TXNDC12: variants seen among roughly 807,000 people sequenced by gnomAD.
TXNDC12 encodes the protein thioredoxin domain-containing protein 12.
TXNDC12 carries 22 observed loss-of-function variants against 24.2 expected under a neutral mutation model. That is an observed-to-expected ratio of 0.91 (90% confidence interval 0.65 to 1.30). The LOEUF is 1.30. Ranked by LOEUF, TXNDC12 falls within the 50% of genes most tolerant of loss-of-function variation. TXNDC12 has a pLI of 0.00. For synonymous variants in TXNDC12, 58 were observed against 73.4 expected, an observed-to-expected ratio of 0.79 and a Z score of 1.07; for missense variants, 184 against 205.8, an observed-to-expected ratio of 0.89 and a Z score of 0.65.
intron 3 of TXNDC12, 56 bp downstream of exon 3, chr1:52,028,522 G>A (rs1278525868): frequency 7.2e-6 from 10 of 1,383,882 alleles, no homozygotes; most frequent in Non-Finnish European, 8.2e-6. Context: ...TTTGTTAAAT[G>A]TTAATATTTA....
At chr1:52,042,671 G>A (rs1686015488) in intron 1 of TXNDC12, among the ~76,000 whole-genome samples, 1 of 151,428 alleles carries the variant, frequency 6.6e-6, no homozygotes, top group South Asian at 2.1e-4. Context: ...TGCCCAGGCT[G>A]GAGTGCAATG....
At chr1:52,032,806 C>T in intron 2 of TXNDC12, 2 of 1,614,210 alleles carry the variant, frequency 1.2e-6, no homozygotes, top group Non-Finnish European at 1.7e-6. Context: ...ACGAAGGCGA[C>T]TCAGTTCTGC....
Position 52,020,330 on chromosome 1 carries a change from G to A in TXNDC12, c.*603C>T, listed in dbSNP as rs923714168. Reference sequence around the variant, plus strand: ...CAAGCACACAGCCAGTCCTGCACACGCATGCGTGCAAACAGGGAAGCTCAA... The same window carrying A: ...CAAGCACACAGCCAGTCCTGCACACACATGCGTGCAAACAGGGAAGCTCAA... On this transcript the variant is annotated 3_prime_UTR_variant, in exon 7 of 7. Coordinates refer to ENST00000371626, the MANE Select transcript of TXNDC12 (RefSeq NM_015913.4). The A allele has an allele frequency of 1.9e-5, 8 of 413,242 alleles. No individual in the cohort carries two copies. The highest frequency in any genetic ancestry group is 1.0e-4 in the South Asian group (4 of 39,756). The allele number at this position is 413,242 out of a possible 1,614,324, so 25.6% of individuals were successfully genotyped here. A position where few individuals can be genotyped will look rare whatever the true frequency, so the allele number is the denominator to read the frequency against.
At chr1:52,021,075 A>G in intron 6 of TXNDC12, 63 bp from the exon 7 acceptor site, 1 of 1,164,248 alleles carries the variant, frequency 8.6e-7, no homozygotes, top group Non-Finnish European at 1.3e-6. Flanking sequence ...TTGACAACCA[A>G]TGTACACTTT....
Position 52,038,187 on chromosome 1 carries a change from T to C in TXNDC12, c.158+3350A>G, listed in dbSNP as rs141121748. On this transcript the variant is annotated intron_variant, in intron 2 of 6. Coordinates refer to ENST00000371626, the MANE Select transcript of TXNDC12 (RefSeq NM_015913.4). Reference sequence around the variant, plus strand: ...CCTTTGTGGCTTTTTTTTTCCAGAGTAGGGTACCTTAATCTGCATTAAACA... The same window carrying C: ...CCTTTGTGGCTTTTTTTTTCCAGAGCAGGGTACCTTAATCTGCATTAAACA... Among the ~76,000 whole-genome samples the C allele has an allele frequency of 4.3e-4, 65 of 152,192 alleles. 1 individual carries two copies. The East Asian group carries it at 0.012, about 29-fold the overall frequency.
At chr1:52,030,015 G>T (rs1184576144) in intron 2 of TXNDC12, among the ~76,000 whole-genome samples, 1 of 152,068 alleles carries the variant, frequency 6.6e-6, no homozygotes, top group East Asian at 1.9e-4. Context: ...ACTATTAATG[G>T]TCTCACAATA....
intron 2 of TXNDC12, among the ~76,000 whole-genome samples, chr1:52,034,447 T>C (rs1685844046): frequency 6.6e-6 from 1 of 152,160 alleles, no homozygotes; most frequent in South Asian, 2.1e-4. Flanking sequence ...CTTAGTAGGG[T>C]TGCCAGATAA....
intron 2 of TXNDC12, among the ~76,000 whole-genome samples, chr1:52,038,732 G>A (rs1685929723): frequency 6.6e-6 from 1 of 151,956 alleles, no homozygotes; most frequent in Non-Finnish European, 1.5e-5. Context: ...TAATGACTTT[G>A]CTTTTTCTCA....
chr1:52,033,179 A>G, intron 2 of TXNDC12: 1 of 1,614,198 alleles, frequency 6.2e-7, no homozygotes, highest in Non-Finnish European at 8.5e-7. Flanking sequence ...TGCTTTGCAG[A>G]TTTCTCTGAA....
At chr1:52,047,100 A>G (rs1340972515) in intron 1 of TXNDC12, among the ~76,000 whole-genome samples, 1 of 152,064 alleles carries the variant, frequency 6.6e-6, no homozygotes, top group Non-Finnish European at 1.5e-5. Flanking sequence ...AAATGATACA[A>G]TAAAGATAGG....
chr1:52,053,557 G>A (rs1314267304), intron 1 of TXNDC12, among the ~76,000 whole-genome samples: 2 of 152,062 alleles, frequency 1.3e-5, no homozygotes, highest in Non-Finnish European at 2.9e-5. Flanking sequence ...CCAGCTACTC[G>A]GGAGGCTAAG....
At chr1:52,026,685 A>G (rs1685675620) in intron 4 of TXNDC12, among the ~76,000 whole-genome samples, 1 of 152,216 alleles carries the variant, frequency 6.6e-6, no homozygotes, top group Non-Finnish European at 1.5e-5. Flanking sequence ...AGATCACTTA[A>G]GGTCAGGGGT....
chr1:52,050,390 A>C (rs913674199), intron 1 of TXNDC12, among the ~76,000 whole-genome samples: 1 of 152,214 alleles, frequency 6.6e-6, no homozygotes, highest in East Asian at 1.9e-4. Context: ...GTTATCTGCA[A>C]AGTAAAGTCT....
At position 52,028,463 on chromosome 1, in the gene TXNDC12, T is replaced by C. The variant is rs577794000; in HGVS notation, c.211+115A>G. ...AGGAAATCTATGTCATATGTTTCTT[T>C]AGTATTCCTTAAACAGTCAGTAGTG... On this transcript the variant is annotated intron_variant, in intron 3 of 6. Coordinates refer to ENST00000371626, the MANE Select transcript of TXNDC12 (RefSeq NM_015913.4). The C allele has an allele frequency of 1.3e-5, 10 of 763,982 alleles. No individual in the cohort carries two copies. In the African/African-American group the frequency reaches 1.4e-4, roughly 11 times the overall value. The allele number at this position is 763,982 out of a possible 1,614,324, so 47.3% of individuals were successfully genotyped here.
At chr1:52,043,612 T>G (rs114054795) in intron 1 of TXNDC12, among the ~76,000 whole-genome samples, 106 of 152,310 alleles carry the variant, frequency 7.0e-4, no homozygotes, top group Admixed American at 1.5e-3. Context: ...TTACTGAATA[T>G]TAAATAAGAA....
At chr1:52,049,355 G>A (rs1686156461) in intron 1 of TXNDC12, among the ~76,000 whole-genome samples, 1 of 152,148 alleles carries the variant, frequency 6.6e-6, no homozygotes, top group Admixed American at 6.5e-5. Flanking sequence ...CCTTTGGGAG[G>A]CTGAGGCGGG....
chr1:52,040,965 G>A (rs1179946504), intron 2 of TXNDC12, among the ~76,000 whole-genome samples: 4 of 151,886 alleles, frequency 2.6e-5, no homozygotes, highest in Non-Finnish European at 5.9e-5. Context: ...AACCTGGGAG[G>A]TGGAGGTTGC....
chr1:52,046,311 A>C (rs1339253743), intron 1 of TXNDC12, among the ~76,000 whole-genome samples: 1 of 152,146 alleles, frequency 6.6e-6, no homozygotes, highest in Non-Finnish European at 1.5e-5. Context: ...ACAATAATCC[A>C]GGCAAGAGAT....
At chr1:52,041,629 T>C (rs1465027763) in intron 1 of TXNDC12, 32 bp from the exon 2 acceptor site, 1 of 1,492,814 alleles carries the variant, frequency 6.7e-7, no homozygotes, top group South Asian at 1.2e-5. Flanking sequence ...AGCATTCACA[T>C]AATGAACAAA....
Sources: allele counts gnomAD v4.1 joint callset (sites outside exome capture counted in the v4.1 genomes callset), GRCh38; gene constraint gnomAD v4.1.1; transcripts MANE v1.5; gene names NCBI Gene and HGNC (gene_info 2026-07-23, HGNC 2026-07-21).